Variants in PTCHD4 observed in about 807,000 individuals in gnomAD.
PTCHD4 encodes patched domain containing 4, also known as patched domain-containing protein 4.
A neutral mutation model predicts 58.1 loss-of-function variants in PTCHD4; 33 were observed. The ratio of observed to expected loss-of-function variants is 0.57; its 90% CI spans 0.43 to 0.76. The LOEUF (loss-of-function observed/expected upper bound fraction) is 0.76, where lower values mean the gene tolerates loss of function less well. PTCHD4 is among the 30% of genes least tolerant of loss of function. The pLI is 0.00. For missense variants in PTCHD4, 1,058 were observed against 1,027.1 expected (o/e 1.03, Z -0.41); for synonymous variants, 478 against 409.6 (o/e 1.17, Z -2.02).
chr6:48,000,981 A>G (rs1177778584), intron 4 of PTCHD4, among the ~76,000 whole-genome samples: 1 of 152,214 alleles, frequency 6.6e-6, no homozygotes. Context: ...AGAGAGCCAA[A>G]TCATGAGTGA....
chr6:47,999,056 A>T (rs576587149), intron 4 of PTCHD4, among the ~76,000 whole-genome samples: 44 of 152,340 alleles, frequency 2.9e-4, no homozygotes, highest in African/African-American at 9.4e-4. Context: ...AAGGAGACAC[A>T]GTTCTATCCC....
chr6:48,023,479 TC>T (rs1424132989), intron 3 of PTCHD4, among the ~76,000 whole-genome samples: 1 of 152,198 alleles, frequency 6.6e-6, no homozygotes, highest in African/African-American at 2.4e-5. Flanking sequence ...AAGACAATGC[TC>T]ATTCTAGCCC....
chr6:48,007,324 G>T (rs116602393), intron 4 of PTCHD4, among the ~76,000 whole-genome samples: 2,660 of 152,264 alleles, frequency 0.017, 37 homozygotes, highest in South Asian at 0.046. Context: ...AAATAAGTTA[G>T]ATCCCATCAT....
chr6:48,058,122 C>A (rs112587398), intron 3 of PTCHD4, among the ~76,000 whole-genome samples: 100 of 152,338 alleles, frequency 6.6e-4, no homozygotes, highest in African/African-American at 2.1e-3. Context: ...AAATCTGAAT[C>A]TCTCTAGATG....
At chr6:48,106,441 A>G (rs1278560476) in intron 1 of PTCHD4, among the ~76,000 whole-genome samples, 1 of 152,126 alleles carries the variant, frequency 6.6e-6, no homozygotes, top group Non-Finnish European at 1.5e-5. Context: ...AGGTATTGAT[A>G]AGACGTATCT....
In PTCHD4 at chr6:47,879,123, A is replaced by T; in HGVS notation, c.1712T>A (p.Val571Asp). The T allele has an allele frequency of 6.2e-7, 1 of 1,612,412 alleles. No homozygotes were observed. The part of the protein sequence containing the change: ...SANNKSDFIS[V>D]LQSSFLKKPE... ...CTTTTTTAAAAATGAGCTTTGCAGG[A>T]CACTGATGAAGTCACTTTTGTTATT... The change falls in exon 5 of 5, where the codon GTC becomes GAC. Residue 571 changes from valine to aspartate, a missense_variant. By Grantham distance (152) the Val-to-Asp change is radical. Transcript: ENST00000339488.
chr6:48,034,438 G>C (rs1582053586), intron 3 of PTCHD4, among the ~76,000 whole-genome samples: 1 of 152,014 alleles, frequency 6.6e-6, no homozygotes, highest in Admixed American at 6.6e-5. Flanking sequence ...AGAAGTAGGG[G>C]CTAGATGTAA....
chr6:47,924,345 G>T (rs1765528316), intron 4 of PTCHD4, among the ~76,000 whole-genome samples: 1 of 152,070 alleles, frequency 6.6e-6, no homozygotes, highest in African/African-American at 2.4e-5. Flanking sequence ...TGTTTAACAG[G>T]CTATTTTGGG....
chr6:48,012,769 GT>G (rs904199054), intron 3 of PTCHD4, among the ~76,000 whole-genome samples: 2 of 152,102 alleles, frequency 1.3e-5, no homozygotes, highest in African/African-American at 2.4e-5. Context: ...GTTTTCAAAA[GT>G]TTTTAGCATG....
Position 48,068,191 on chromosome 6 carries a change from C to G in PTCHD4, c.417+39G>C, listed in dbSNP as rs187447988. On this transcript the variant is annotated intron_variant, in intron 3 of 4. Coordinates refer to ENST00000339488, the MANE Select transcript of PTCHD4 (RefSeq NM_001384253.1). This position sits in a 1 kb window ranked among gnomAD's most constrained non-coding sequence, Gnocchi z 4.2. ...TCTTATCCTGATTTCTCAACACACA[C>G]AGATGGGAAAAAGTATAATTATAGC... The G allele has an allele frequency of 3.3e-6, 5 of 1,512,446 alleles. No individual in the cohort carries two copies. In the Admixed American group the frequency reaches 1.1e-4, roughly 33 times the overall value. 93.7% of individuals were successfully genotyped at this position (1,512,446 alleles called of 1,614,324 possible).
intron 3 of PTCHD4, among the ~76,000 whole-genome samples, chr6:48,058,541 G>T (rs1212878671): frequency 6.6e-6 from 1 of 152,084 alleles, no homozygotes; most frequent in Non-Finnish European, 1.5e-5. Context: ...AGAATATTAA[G>T]AGAATGGATT....
intron 4 of PTCHD4, among the ~76,000 whole-genome samples, chr6:47,947,343 T>C (rs1003489901): frequency 2.6e-5 from 4 of 152,182 alleles, no homozygotes; most frequent in Non-Finnish European, 5.9e-5. Context: ...TTTTTTTATA[T>C]AATCAGTGAT....
chr6:48,097,652 T>C (rs1765502516), intron 1 of PTCHD4, among the ~76,000 whole-genome samples: 2 of 152,286 alleles, frequency 1.3e-5, no homozygotes, highest in East Asian at 3.9e-4. Flanking sequence ...TCTAGCATCT[T>C]AGAAATAAGA....
intron 4 of PTCHD4, among the ~76,000 whole-genome samples, chr6:47,923,090 T>C (rs578030828): frequency 6.6e-6 from 1 of 152,300 alleles, no homozygotes; most frequent in South Asian, 2.1e-4. Flanking sequence ...GAGAAAGTGA[T>C]ATCAGAGAAA....
chr6:47,945,618 TA>T (rs1766386995), intron 4 of PTCHD4, among the ~76,000 whole-genome samples: 5 of 152,146 alleles, frequency 3.3e-5, no homozygotes, highest in South Asian at 2.1e-4. Context: ...GTGCAAAAGA[TA>T]TTTTTTTGAG....
At chr6:48,060,200 C>T (rs1393143768) in intron 3 of PTCHD4, among the ~76,000 whole-genome samples, 2 of 152,176 alleles carry the variant, frequency 1.3e-5, no homozygotes, top group Admixed American at 1.3e-4. Context: ...GAATCTTACC[C>T]ACACGATGTC....
chr6:47,982,084 G>C (rs1180858603), intron 4 of PTCHD4, among the ~76,000 whole-genome samples: 1 of 152,114 alleles, frequency 6.6e-6, no homozygotes, highest in Admixed American at 6.5e-5. Context: ...TCTCCAGCCT[G>C]ACATAAATCT....
intron 3 of PTCHD4, among the ~76,000 whole-genome samples, chr6:48,025,634 G>A (rs1255698175): frequency 1.3e-5 from 2 of 152,184 alleles, no homozygotes; most frequent in Non-Finnish European, 2.9e-5. Context: ...AACTTGCTAA[G>A]TGGGTGTCTG....
intron 4 of PTCHD4, among the ~76,000 whole-genome samples, chr6:47,888,485 A>T (rs1469900429): frequency 1.3e-5 from 2 of 152,228 alleles, no homozygotes; most frequent in Non-Finnish European, 2.9e-5. Context: ...CTCTAATAAG[A>T]AAAAATAAAA....
Sources: gnomAD v4.1 joint callset for allele counts (sites outside exome capture counted in the v4.1 genomes callset) on GRCh38, gnomAD v4.1.1 for gene constraint, Gnocchi (gnomAD v3.1) non-coding constraint, MANE v1.5 for transcripts, NCBI Gene and HGNC (gene_info 2026-07-23, HGNC 2026-07-21) for gene names.